Variants in CDADC1 observed in about 807,000 individuals in gnomAD.
CDADC1 encodes the protein dCTP deaminase.
A neutral mutation model predicts 54.9 loss-of-function variants in CDADC1; 39 were observed. The observed-to-expected ratio is 0.71, with a 90% CI of 0.55 to 0.93. The LOEUF (loss-of-function observed/expected upper bound fraction) is 0.93. CDADC1 is among the 40% of genes least tolerant of loss of function. The pLI is 0.00. For missense variants in CDADC1, 518 were observed against 618.8 expected (o/e 0.84, Z 1.73); for synonymous variants, 186 against 204.0 (o/e 0.91, Z 0.75).
rs1286641634 is a variant in CDADC1 at position 49,292,589 on chromosome 13, C to T, written c.*832C>T. On this transcript the variant is annotated 3_prime_UTR_variant, in exon 10 of 10. Transcript: ENST00000251108. ...ATAATTAACATAGGTTGTCTCATGG[C>T]TTTGATCTTCAAAAGGAAGAGCCTT... The T allele has an allele frequency of 6.0e-6, 7 of 1,160,884 alleles. No individual in the cohort carries two copies. The highest frequency in any genetic ancestry group is 7.5e-6 in the Non-Finnish European group (7 of 929,814). The allele number at this position is 1,160,884 out of a possible 1,614,324, so 71.9% of individuals were successfully genotyped here. A position where few individuals can be genotyped will look rare whatever the true frequency, so the allele number is the denominator to read the frequency against.
intron 9 of CDADC1, among the ~76,000 whole-genome samples, chr13:49,290,981 G>T (rs749185883): frequency 5.9e-5 from 9 of 152,100 alleles, no homozygotes; most frequent in Admixed American, 1.3e-4. Flanking sequence ...TTCCCAGCCT[G>T]CCCAGTCAGA....
At chr13:49,278,230 T>A in intron 6 of CDADC1, 120 bp from the exon 7 acceptor site, 3 of 694,232 alleles carry the variant, frequency 4.3e-6, no homozygotes, top group Non-Finnish European at 6.7e-6. Context: ...ATAGCTCAGT[T>A]TACTGTAGAA....
intron 3 of CDADC1, among the ~76,000 whole-genome samples, chr13:49,256,872 G>GA (rs912702441): frequency 9.2e-5 from 14 of 151,682 alleles, no homozygotes; most frequent in East Asian, 5.8e-4. Context: ...AAGGCCAAGG[G>GA]AAAAAAAATA....
At chr13:49,264,696 T>C (rs1205801894) in intron 4 of CDADC1, among the ~76,000 whole-genome samples, 1 of 151,004 alleles carries the variant, frequency 6.6e-6, no homozygotes. Flanking sequence ...GCACTCCAGC[T>C]TGGGTGACAG....
chr13:49,292,287 AAAGT>A lies in CDADC1; in HGVS notation c.*531_*534del, dbSNP rs1161122164. 59 of 978,136 alleles carry A rather than the reference AAAGT, an allele frequency of 6.0e-5. No individual in the cohort carries two copies. The African/African-American group carries it at 9.3e-4, about 15-fold the overall frequency. 60.6% of individuals were successfully genotyped at this position (978,136 alleles called of 1,614,324 possible). ...TTAATTAGAATTGACTCATAAAAAT[AAAGT>A]TAGTGGACTTTGTCTCCATTTTTAA... On this transcript the variant is annotated 3_prime_UTR_variant, in exon 10 of 10. Coordinates refer to ENST00000251108, the MANE Select transcript of CDADC1 (RefSeq NM_030911.4).
chr13:49,251,876 A>C (rs1160505091), intron 2 of CDADC1, among the ~76,000 whole-genome samples: 2 of 152,172 alleles, frequency 1.3e-5, no homozygotes, highest in African/African-American at 4.8e-5. Context: ...AACAACTCTT[A>C]AGTTTTCCTG....
In CDADC1 at chr13:49,280,643, A is replaced by T. The variant is rs772955488; in HGVS notation, c.1355A>T (p.Lys452Met). Reference protein sequence around the residue: ...YAGDVDVGKKKADISYMRFGE... With the variant: ...YAGDVDVGKKMADISYMRFGE... ...GGAGATGTAGATGTTGGAAAAAAGA[A>T]GGCAGACATCTCTTACATGAGGTTC... The change falls in exon 8 of 10, where the codon AAG becomes ATG. Residue 452 changes from lysine (K) to methionine (M), a missense_variant. Physicochemically the swap from Lys to Met is moderately conservative, Grantham distance 95 (BLOSUM62 -1). Coordinates refer to ENST00000251108, the MANE Select transcript of CDADC1 (RefSeq NM_030911.4). 1.1e-5 allele frequency: 18 copies of T among 1,601,980 alleles called. No individual in the cohort carries two copies. Among genetic ancestry groups the T allele is most frequent in the Non-Finnish European group, 1.5e-5 (18 of 1,175,094 alleles).
chr13:49,269,154 C>T (rs1952900681), intron 5 of CDADC1, among the ~76,000 whole-genome samples: 1 of 152,122 alleles, frequency 6.6e-6, no homozygotes, highest in African/African-American at 2.4e-5. Flanking sequence ...AGAAAGTCAT[C>T]AGAAAAGGTC....
chr13:49,267,236 C>T (rs542378873), intron 4 of CDADC1, among the ~76,000 whole-genome samples: 1 of 152,276 alleles, frequency 6.6e-6, no homozygotes, highest in South Asian at 2.1e-4. Context: ...ACAAAATGTT[C>T]TTTTGATTTG....
At position 49,280,492 on chromosome 13, in the gene CDADC1, T is replaced by C; in HGVS notation, c.1221-17T>C. The C allele has an allele frequency of 7.5e-7, 1 of 1,333,902 alleles. No homozygotes were observed. The allele number at this position is 1,333,902 out of a possible 1,614,324, so 82.6% of individuals were successfully genotyped here. A position where few individuals can be genotyped will look rare whatever the true frequency, so the allele number is the denominator to read the frequency against. ...TTCAGAAACGACCTTTCTGATATTT[T>C]ATAATTTTTTTTGTAGGTGTCAAGA... On this transcript the variant is annotated splice_polypyrimidine_tract_variant and intron_variant, in intron 7 of 9. Transcript: ENST00000251108.
At chr13:49,283,756 C>T (rs778864785) in intron 8 of CDADC1, among the ~76,000 whole-genome samples, 16 of 152,196 alleles carry the variant, frequency 1.1e-4, no homozygotes, top group Non-Finnish European at 2.4e-4. Context: ...GAAATACCCT[C>T]ACTCAGGCAC....
At chr13:49,277,535 T>C (rs1953185118) in intron 6 of CDADC1, among the ~76,000 whole-genome samples, 1 of 152,158 alleles carries the variant, frequency 6.6e-6, no homozygotes, top group Non-Finnish European at 1.5e-5. Flanking sequence ...CAGGCTTTTG[T>C]TGGCTCACTA....
chr13:49,267,448 C>A, intron 4 of CDADC1, 42 bp from the exon 5 acceptor site: 1 of 1,481,992 alleles, frequency 6.7e-7, no homozygotes, highest in African/African-American at 1.4e-5. Context: ...ACCCTAAATT[C>A]AGCATGTATC....
intron 4 of CDADC1, chr13:49,265,800 A>T: frequency 3.3e-6 from 4 of 1,224,676 alleles, no homozygotes; most frequent in Non-Finnish European, 4.2e-6. Flanking sequence ...AGATCAAAAA[A>T]TTTGAGAAAC....
intron 2 of CDADC1, among the ~76,000 whole-genome samples, chr13:49,253,979 T>C (rs1952488973): frequency 6.6e-6 from 1 of 152,226 alleles, no homozygotes; most frequent in South Asian, 2.1e-4. Context: ...TCCACTTAAT[T>C]ACCTGTGTGA....
At chr13:49,278,110 A>G (rs908365088) in intron 6 of CDADC1, among the ~76,000 whole-genome samples, 2 of 152,226 alleles carry the variant, frequency 1.3e-5, no homozygotes, top group Non-Finnish European at 2.9e-5. Context: ...ATTAATTGCA[A>G]AAAACAAGGA....
At position 49,267,827 on chromosome 13, in the gene CDADC1, G is replaced by T. The variant is rs770932615; in HGVS notation, c.768G>T (p.Met256Ile). The change falls in exon 5 of 10, where the codon ATG (methionine) becomes ATT (isoleucine). Residue 256 changes from methionine to isoleucine, a missense_variant. Met to Ile is a conservative substitution (Grantham distance 10). Transcript: ENST00000251108. ...AAGAAATGCATAAGCAAATACTGAT[G>T]ACTATAGGTTTGGAGAACCTGTGTG... ...SNEEMHKQIL[M>I]TIGLENLCEN... is the part of the protein sequence containing the mutation. The T allele has an allele frequency of 9.3e-6, 15 of 1,613,312 alleles. No individual in the cohort carries two copies. The highest frequency in any genetic ancestry group is 1.2e-5 in the Non-Finnish European group (14 of 1,179,482).
chr13:49,277,577 T>C (rs1303032580), intron 6 of CDADC1, among the ~76,000 whole-genome samples: 1 of 152,194 alleles, frequency 6.6e-6, no homozygotes, highest in Non-Finnish European at 1.5e-5. Context: ...GCTACAGTAA[T>C]GAGTCTGTTG....
intron 4 of CDADC1, among the ~76,000 whole-genome samples, chr13:49,260,212 AC>A (rs1291133537): frequency 6.6e-6 from 1 of 152,212 alleles, no homozygotes; most frequent in Non-Finnish European, 1.5e-5. Context: ...CTATTAAATG[AC>A]CCTCAGTGTA....
Sources: allele counts gnomAD v4.1 joint callset (sites outside exome capture counted in the v4.1 genomes callset), GRCh38; gene constraint gnomAD v4.1.1; transcripts MANE v1.5; gene names NCBI Gene and HGNC (gene_info 2026-07-23, HGNC 2026-07-21).